Variants in CDH18 observed in about 807,000 individuals in gnomAD.
CDH18 encodes cadherin-18.
In CDH18, 31 loss-of-function variants were observed where a neutral mutation model predicts 67.9. The observed-to-expected ratio is 0.46, with a 90% CI of 0.34 to 0.62. The LOEUF (loss-of-function observed/expected upper bound fraction) is 0.62, where lower values mean the gene tolerates loss of function less well. CDH18 is among the 20% of genes least tolerant of loss of function. The pLI, the probability that CDH18 is intolerant of heterozygous loss-of-function variation, is 0.01. For missense variants in CDH18, 890 were observed against 975.5 expected, an observed-to-expected ratio of 0.91 and a Z score of 1.17; for synonymous variants, 362 against 347.2, an observed-to-expected ratio of 1.04 and a Z score of -0.48.
intron 10 of CDH18, among the ~76,000 whole-genome samples, chr5:19,517,050 C>G (rs1349881459): frequency 6.6e-6 from 1 of 152,046 alleles, no homozygotes; most frequent in Non-Finnish European, 1.5e-5. Flanking sequence ...TTTTATGAAA[C>G]TGTCAAAATA....
At chr5:19,593,243 T>C (rs1350844956) in intron 6 of CDH18, among the ~76,000 whole-genome samples, 1 of 152,164 alleles carries the variant, frequency 6.6e-6, no homozygotes, top group Non-Finnish European at 1.5e-5. Flanking sequence ...ATCTTTATAC[T>C]ATATTCTGTA....
chr5:20,569,974 C>T (rs996785886), intron 1 of CDH18, among the ~76,000 whole-genome samples: 1 of 152,062 alleles, frequency 6.6e-6, no homozygotes, highest in Non-Finnish European at 1.5e-5. Context: ...AGAGACAAAA[C>T]TATGGATATA....
intron 5 of CDH18, among the ~76,000 whole-genome samples, chr5:19,642,192 T>C (rs947137367): frequency 6.6e-6 from 1 of 151,842 alleles, no homozygotes; most frequent in African/African-American, 2.4e-5. Flanking sequence ...GATAGATAAA[T>C]GGAAAGACAG....
chr5:19,773,731 G>A (rs1773982205), intron 3 of CDH18, among the ~76,000 whole-genome samples: 1 of 152,082 alleles, frequency 6.6e-6, no homozygotes, highest in Non-Finnish European at 1.5e-5. Context: ...AATGATAGTT[G>A]GGGAAAACTG....
intron 5 of CDH18, among the ~76,000 whole-genome samples, chr5:19,658,984 T>C (rs994019137): frequency 6.6e-6 from 1 of 152,030 alleles, no homozygotes; most frequent in Non-Finnish European, 1.5e-5. Context: ...AAATGATGAG[T>C]TCATGTCCTT....
chr5:20,361,100 AT>A (rs969587704), intron 1 of CDH18, among the ~76,000 whole-genome samples: 6 of 151,996 alleles, frequency 3.9e-5, no homozygotes, highest in African/African-American at 1.4e-4. Context: ...ATTACCTCAA[AT>A]TTTAGTTCTG....
At chr5:19,538,098 T>A (rs1749693799) in intron 9 of CDH18, among the ~76,000 whole-genome samples, 1 of 152,200 alleles carries the variant, frequency 6.6e-6, no homozygotes, top group Admixed American at 6.5e-5. Flanking sequence ...ATATGCATAA[T>A]ATGCATTATA....
intron 7 of CDH18, among the ~76,000 whole-genome samples, chr5:19,574,296 A>G (rs1234179381): frequency 1.3e-5 from 2 of 152,114 alleles, no homozygotes; most frequent in African/African-American, 4.8e-5. Context: ...TCTAATATAT[A>G]TTTTACTACT....
chr5:20,100,717 C>A (rs1746383674), intron 2 of CDH18, among the ~76,000 whole-genome samples: 1 of 151,996 alleles, frequency 6.6e-6, no homozygotes, highest in South Asian at 2.1e-4. Context: ...TCTTTAGCTC[C>A]TAAACATATC....
intron 5 of CDH18, among the ~76,000 whole-genome samples, chr5:19,668,894 C>A (rs1054857802): frequency 6.6e-6 from 1 of 151,636 alleles, no homozygotes; most frequent in African/African-American, 2.4e-5. Context: ...TTGTTCTGTA[C>A]TATATTATAA....
rs1170555114 is a variant in CDH18 at position 19,994,728 on chromosome 5, TATATATATATAGAGAGAGAGAGAGAGAG to T, written c.-517-2742_-517-2715del. Among the ~76,000 whole-genome samples, 198 of 20,924 alleles carry T rather than the reference TATATATATATAGAGAGAGAGAGAGAGAG, an allele frequency of 9.5e-3. 8 individuals are homozygous for T. Among genetic ancestry groups the T allele is most frequent in the African/African-American group, 0.033 (173 of 5,288 alleles). 13.7% of individuals were successfully genotyped at this position (20,924 alleles called of 152,430 possible). A position where few individuals can be genotyped will look rare whatever the true frequency, so the allele number is the denominator to read the frequency against. On this transcript the variant is annotated intron_variant, in intron 2 of 14. Transcript: ENST00000507958. Reference sequence around the variant, plus strand: ...ATATATATATATATATATATATATATATATATATATAGAGAGAGAGAGAGAGAGAGAGAGAGAGAGAGAGAGAGAGAGA... The same window carrying T: ...ATATATATATATATATATATATATATAGAGAGAGAGAGAGAGAGAGAGAGA...
intron 3 of CDH18, among the ~76,000 whole-genome samples, chr5:19,797,219 T>G (rs1225719001): frequency 1.3e-5 from 2 of 151,946 alleles, no homozygotes; most frequent in Non-Finnish European, 2.9e-5. Flanking sequence ...TAAATTTTTT[T>G]TTATAAAAGT....
intron 1 of CDH18, among the ~76,000 whole-genome samples, chr5:20,547,722 T>C (rs1757419289): frequency 6.6e-6 from 1 of 152,146 alleles, no homozygotes; most frequent in Non-Finnish European, 1.5e-5. Flanking sequence ...CCAGGTAAAA[T>C]ATGATAATGC....
chr5:20,371,070 A>G (rs563762347), intron 1 of CDH18, among the ~76,000 whole-genome samples: 2 of 151,628 alleles, frequency 1.3e-5, no homozygotes, highest in East Asian at 1.9e-4. Context: ...AGTCCAGCCA[A>G]TGTATCATAG....
At chr5:19,808,436 T>A (rs1246297405) in intron 3 of CDH18, among the ~76,000 whole-genome samples, 1 of 151,972 alleles carries the variant, frequency 6.6e-6, no homozygotes, top group Non-Finnish European at 1.5e-5. Context: ...ATTCATTGGA[T>A]AAAAATCAAT....
At chr5:20,249,018 G>A (rs1188946816) in intron 2 of CDH18, among the ~76,000 whole-genome samples, 2 of 152,106 alleles carry the variant, frequency 1.3e-5, no homozygotes. Context: ...ATACCTATTG[G>A]ATTAAGAAAG....
chr5:19,948,585 T>A (rs73061503), intron 2 of CDH18, among the ~76,000 whole-genome samples: 6 of 152,128 alleles, frequency 3.9e-5, no homozygotes, highest in Non-Finnish European at 7.4e-5. Flanking sequence ...CAGTTCTGCA[T>A]CTTGATTGTA....
intron 2 of CDH18, among the ~76,000 whole-genome samples, chr5:20,214,759 A>T (rs1033160544): frequency 1.1e-4 from 16 of 152,118 alleles, no homozygotes; most frequent in African/African-American, 3.6e-4. Context: ...CTTAGGCAAT[A>T]TGATTCTGTA....
At chr5:20,241,851 C>CAAAAA (rs1210062844) in intron 2 of CDH18, among the ~76,000 whole-genome samples, 17 of 126,952 alleles carry the variant, frequency 1.3e-4, no homozygotes, top group Non-Finnish European at 2.1e-4. Flanking sequence ...GACCCTGTCG[C>CAAAAA]AAAAAAAAAA....
Sources: allele counts gnomAD v4.1 joint callset (sites outside exome capture counted in the v4.1 genomes callset), GRCh38; gene constraint gnomAD v4.1.1; transcripts MANE v1.5; gene names NCBI Gene and HGNC (gene_info 2026-07-23, HGNC 2026-07-21).